The following CNTNAP2 variants were observed in gnomAD, a reference collection of about 807,000 sequenced individuals.
The protein encoded by CNTNAP2 is contactin associated protein 2, also known as contactin-associated protein-like 2.
In CNTNAP2, 98 loss-of-function variants were observed where a neutral mutation model predicts 155.2. That is an observed-to-expected ratio of 0.63 (90% CI 0.54 to 0.75). The LOEUF is 0.75. CNTNAP2 is among the 30% of genes least tolerant of loss of function. CNTNAP2 has a pLI of 0.00. For synonymous variants in CNTNAP2, 651 were observed against 631.2 expected (o/e 1.03, Z -0.47); for missense variants, 1,727 against 1,688.1 (o/e 1.02, Z -0.40).
chr7:146,873,945 A>G (rs143729245), intron 3 of CNTNAP2, among the ~76,000 whole-genome samples: 2 of 152,298 alleles, frequency 1.3e-5, no homozygotes, highest in South Asian at 2.1e-4. Context: ...TATAGCTTAT[A>G]TTATACCTAC....
intron 9 of CNTNAP2, among the ~76,000 whole-genome samples, chr7:147,393,463 T>C (rs974603619): frequency 6.7e-6 from 1 of 148,490 alleles, no homozygotes; most frequent in Non-Finnish European, 1.5e-5. Context: ...AGTGTGGATA[T>C]GGTGAGACTC....
chr7:146,360,415 A>G (rs944877518), intron 1 of CNTNAP2, among the ~76,000 whole-genome samples: 5 of 152,280 alleles, frequency 3.3e-5, no homozygotes, highest in African/African-American at 1.2e-4. Flanking sequence ...AAACATAAAT[A>G]TGAACAAGAT....
At chr7:146,505,462 A>G (rs1038070463) in intron 1 of CNTNAP2, among the ~76,000 whole-genome samples, 5 of 152,230 alleles carry the variant, frequency 3.3e-5, no homozygotes, top group African/African-American at 7.2e-5. Context: ...TCAGCACCCC[A>G]TGGTTCCTTT....
chr7:147,919,869 G>C (rs1009806541), intron 14 of CNTNAP2, among the ~76,000 whole-genome samples: 1 of 151,834 alleles, frequency 6.6e-6, no homozygotes, highest in East Asian at 2.0e-4. Flanking sequence ...TTATAGGCAT[G>C]AGCCACCGTG....
At chr7:146,175,096 A>G (rs182136027) in intron 1 of CNTNAP2, among the ~76,000 whole-genome samples, 1 of 152,264 alleles carries the variant, frequency 6.6e-6, no homozygotes, top group East Asian at 1.9e-4. Context: ...GGCTGAAACC[A>G]GCTGTTAGAG....
At chr7:147,372,950 C>G (rs1796372049) in intron 9 of CNTNAP2, among the ~76,000 whole-genome samples, 1 of 152,010 alleles carries the variant, frequency 6.6e-6, no homozygotes, top group African/African-American at 2.4e-5. Flanking sequence ...TCTTTTTATG[C>G]TTTCTTTGCT....
intron 18 of CNTNAP2, chr7:148,189,841 A>T (rs1795176158): frequency 1.3e-5 from 2 of 152,188 alleles, no homozygotes; most frequent in Admixed American, 1.3e-4. Flanking sequence ...GATCAGCTAA[A>T]AATTTCTATA....
intron 13 of CNTNAP2, among the ~76,000 whole-genome samples, chr7:147,720,104 G>A (rs1352038658): frequency 1.3e-5 from 2 of 151,830 alleles, no homozygotes; most frequent in Admixed American, 6.6e-5. Context: ...CAAGATTCAC[G>A]TTTTATAAAT....
chr7:146,937,364 A>AAAAAT (rs71165051), intron 3 of CNTNAP2, among the ~76,000 whole-genome samples: 42,465 of 146,938 alleles, frequency 0.29, 6,806 homozygotes, highest in Non-Finnish European at 0.36. Context: ...AAAAAAAAAT[A>AAAAAT]AAAATAAAAT....
intron 1 of CNTNAP2, among the ~76,000 whole-genome samples, chr7:146,153,656 A>G (rs1043047514): frequency 2.0e-5 from 3 of 152,190 alleles, no homozygotes; most frequent in African/African-American, 7.2e-5. Context: ...ACTGCATTCT[A>G]AATGATGCAG....
In CNTNAP2 at chr7:146,702,169, A is replaced by G. The variant is rs1486180232; in HGVS notation, c.98-72102A>G. 2.0e-5 allele frequency among the ~76,000 whole-genome samples: 3 copies of G among 152,318 alleles called. No individual in the cohort carries two copies. The East Asian group carries it at 5.8e-4, about 29-fold the overall frequency. On this transcript the variant is annotated intron_variant, in intron 1 of 23. Transcript: ENST00000361727. Reference sequence around the variant, plus strand: ...CAGCACTAAAGTTGGTATCCATTTAATCCTACATCTATGTACTTAACTATA... The same window carrying G: ...CAGCACTAAAGTTGGTATCCATTTAGTCCTACATCTATGTACTTAACTATA...
intron 1 of CNTNAP2, among the ~76,000 whole-genome samples, chr7:146,683,737 C>T (rs1344655296): frequency 6.6e-6 from 1 of 152,134 alleles, no homozygotes; most frequent in African/African-American, 2.4e-5. Flanking sequence ...AAAATATCCT[C>T]CTATTAAGAT....
At chr7:146,861,792 T>C (rs1168208612) in intron 3 of CNTNAP2, among the ~76,000 whole-genome samples, 1 of 152,110 alleles carries the variant, frequency 6.6e-6, no homozygotes, top group African/African-American at 2.4e-5. Context: ...AAAATAATTA[T>C]ATGTAATTTG....
At chr7:146,971,440 GA>G (rs910509334) in intron 3 of CNTNAP2, among the ~76,000 whole-genome samples, 29 of 152,136 alleles carry the variant, frequency 1.9e-4, no homozygotes, top group African/African-American at 6.8e-4. Context: ...CTATATCTGA[GA>G]AAAATGCAGA....
intron 15 of CNTNAP2, among the ~76,000 whole-genome samples, chr7:148,027,496 A>G (rs535097156): frequency 1.3e-4 from 20 of 152,322 alleles, no homozygotes; most frequent in African/African-American, 4.6e-4. Context: ...GGTTCATGGA[A>G]TGTTACAACT....
At chr7:146,721,264 CTATATAT>C (rs1801298994) in intron 1 of CNTNAP2, among the ~76,000 whole-genome samples, 8 of 124,732 alleles carry the variant, frequency 6.4e-5, no homozygotes, top group African/African-American at 2.5e-4. Flanking sequence ...TATATACTCT[CTATATAT>C]TCTATATATA....
chr7:146,385,451 T>C (rs564702758), intron 1 of CNTNAP2, among the ~76,000 whole-genome samples: 1 of 152,310 alleles, frequency 6.6e-6, no homozygotes, highest in East Asian at 1.9e-4. Context: ...GTGACATATA[T>C]GAATGTTTGT....
intron 14 of CNTNAP2, among the ~76,000 whole-genome samples, chr7:147,967,444 T>G (rs1801236306): frequency 6.6e-6 from 1 of 152,232 alleles, no homozygotes. Flanking sequence ...ATTCCTAGTC[T>G]ATTACCTCTG....
chr7:147,800,287 A>C (rs2116587494), intron 13 of CNTNAP2, among the ~76,000 whole-genome samples: 1 of 152,304 alleles, frequency 6.6e-6, no homozygotes, highest in Middle Eastern at 3.4e-3. Flanking sequence ...TATTTGTATC[A>C]AAGTCAGCTG....
Sources: allele counts gnomAD v4.1 joint callset (sites outside exome capture counted in the v4.1 genomes callset), GRCh38; gene constraint gnomAD v4.1.1; transcripts MANE v1.5; gene names NCBI Gene and HGNC (gene_info 2026-07-23, HGNC 2026-07-21).